SLC35F1: variants seen among roughly 807,000 people sequenced by gnomAD.
SLC35F1 encodes the protein chromosome 6 open reading frame 169.
In SLC35F1, 14 loss-of-function variants were observed where a neutral mutation model predicts 48.7. That is an observed-to-expected ratio of 0.29 (90% CI 0.19 to 0.45). The LOEUF is 0.45. Ranked by LOEUF, SLC35F1 falls within the 20% of genes least tolerant of loss-of-function variation. The pLI is 1.00. For missense variants in SLC35F1, 404 were observed against 500.0 expected (o/e 0.81, Z 1.83); for synonymous variants, 190 against 202.2 (o/e 0.94, Z 0.51).
At chr6:118,195,963 C>G (rs1164301518) in intron 2 of SLC35F1, among the ~76,000 whole-genome samples, 1 of 152,156 alleles carries the variant, frequency 6.6e-6, no homozygotes, top group African/African-American at 2.4e-5. Context: ...AAAACTCCAG[C>G]TGTATTAAGT....
intron 1 of SLC35F1, among the ~76,000 whole-genome samples, chr6:118,120,753 G>A (rs186977270): frequency 4.6e-5 from 7 of 152,228 alleles, no homozygotes; most frequent in Admixed American, 2.0e-4. Flanking sequence ...TACAGTAACC[G>A]CTTGAAATAT....
At chr6:118,242,475 T>G (rs143977984) in intron 3 of SLC35F1, among the ~76,000 whole-genome samples, 5 of 152,336 alleles carry the variant, frequency 3.3e-5, no homozygotes, top group Admixed American at 1.3e-4. Context: ...GTTTTCCTTA[T>G]TAGAAAGTAA....
chr6:118,182,519 A>AGAGAGAAGGAAGGAAGGAAG (rs1554234198), intron 2 of SLC35F1, among the ~76,000 whole-genome samples: 2 of 106,310 alleles, frequency 1.9e-5, no homozygotes, highest in Non-Finnish European at 3.8e-5. Flanking sequence ...AGAGAGAGAG[A>AGAGAGAAGGAAGGAAGGAAG]GAAGGAAGGA....
intron 2 of SLC35F1, among the ~76,000 whole-genome samples, chr6:118,167,228 G>A (rs968682667): frequency 7.2e-5 from 11 of 152,042 alleles, no homozygotes; most frequent in African/African-American, 1.9e-4. Flanking sequence ...CTGTAACTGC[G>A]CAAGAGTACA....
intron 2 of SLC35F1, among the ~76,000 whole-genome samples, chr6:118,207,921 C>T (rs1445878267): frequency 6.6e-6 from 1 of 152,174 alleles, no homozygotes; most frequent in Non-Finnish European, 1.5e-5. Flanking sequence ...TAAAAGATAA[C>T]AGCAAATCAT....
chr6:117,956,863 C>T (rs1776435077), intron 1 of SLC35F1, among the ~76,000 whole-genome samples: 2 of 152,158 alleles, frequency 1.3e-5, no homozygotes, highest in South Asian at 4.1e-4. Context: ...TCTGTATTTT[C>T]TTCAAGCAGC....
At chr6:117,920,876 C>T (rs1030350041) in intron 1 of SLC35F1, among the ~76,000 whole-genome samples, 4 of 151,848 alleles carry the variant, frequency 2.6e-5, no homozygotes, top group Non-Finnish European at 5.9e-5. Flanking sequence ...ATATCTTGAC[C>T]TTTTGTGTCC....
At chr6:118,053,595 ATAACT>A (rs1258374703) in intron 1 of SLC35F1, among the ~76,000 whole-genome samples, 1 of 152,182 alleles carries the variant, frequency 6.6e-6, no homozygotes, top group Non-Finnish European at 1.5e-5. Context: ...TAGTGAACAT[ATAACT>A]TAATATTTAT....
rs140605472 is a variant in SLC35F1, at chr6:118,157,411, C to T, written c.349+2791C>T. On this transcript the variant is annotated intron_variant, in intron 2 of 7. Transcript: ENST00000360388. ...TGTATTAGTCAGGGTTCTCTAGAGC[C>T]GCAGGACTAATAGGATAGATGTATA... Among the ~76,000 whole-genome samples, 227 of 152,182 alleles carry T rather than the reference C, an allele frequency of 1.5e-3. 2 individuals carry two copies. Among genetic ancestry groups the T allele is most frequent in the African/African-American group, 5.2e-3 (216 of 41,538 alleles).
intron 1 of SLC35F1, among the ~76,000 whole-genome samples, chr6:118,107,546 C>T (rs1773342745): frequency 6.6e-6 from 1 of 152,106 alleles, no homozygotes; most frequent in South Asian, 2.1e-4. Flanking sequence ...AAAATGAACA[C>T]TTAGCCTGTT....
At chr6:118,161,691 CA>C (rs555211603) in intron 2 of SLC35F1, among the ~76,000 whole-genome samples, 134 of 152,272 alleles carry the variant, frequency 8.8e-4, no homozygotes, top group African/African-American at 2.9e-3. Context: ...ATAAAGATTG[CA>C]CCTCAGGGAT....
intron 1 of SLC35F1, among the ~76,000 whole-genome samples, chr6:118,071,522 C>G (rs1006763915): frequency 3.3e-5 from 5 of 152,064 alleles, no homozygotes; most frequent in Non-Finnish European, 5.9e-5. Context: ...TTTCCTTCAC[C>G]ATCTCTTGGA....
chr6:117,992,677 G>C (rs1252858735), intron 1 of SLC35F1, among the ~76,000 whole-genome samples: 1 of 152,214 alleles, frequency 6.6e-6, no homozygotes, highest in Admixed American at 6.5e-5. Context: ...CTCTATGAGA[G>C]AGATTTTTAA....
At chr6:118,088,412 G>A (rs577692194) in intron 1 of SLC35F1, among the ~76,000 whole-genome samples, 2 of 152,208 alleles carry the variant, frequency 1.3e-5, no homozygotes, top group South Asian at 4.2e-4. Flanking sequence ...ATCTGACCAT[G>A]GCCACAAAAG....
At chr6:118,270,531 A>G (rs1349262781) in intron 4 of SLC35F1, among the ~76,000 whole-genome samples, 3 of 152,168 alleles carry the variant, frequency 2.0e-5, no homozygotes, top group East Asian at 3.9e-4. Context: ...TTCTCATTCT[A>G]TGTTTGTCAC....
In SLC35F1 at chr6:117,961,951, A is replaced by G. The variant is rs534661145; in HGVS notation, c.173+54052A>G. 4.5e-4 allele frequency among the ~76,000 whole-genome samples: 68 copies of G among 152,344 alleles called. No homozygotes were observed. In the South Asian group the frequency reaches 0.013, roughly 30 times the overall value. On this transcript the variant is annotated intron_variant, in intron 1 of 7. Transcript: ENST00000360388. ...GAAGATGGTGGTAAGTTATATCAGA[A>G]CTCAGTTTATGCATAGAATAAATAC...
At chr6:118,076,532 G>T (rs1772820869) in intron 1 of SLC35F1, among the ~76,000 whole-genome samples, 2 of 152,154 alleles carry the variant, frequency 1.3e-5, no homozygotes, top group South Asian at 4.1e-4. Context: ...GAGAGAGACG[G>T]AGAGAGAAGA....
chr6:118,174,732 A>C (rs1043753820), intron 2 of SLC35F1, among the ~76,000 whole-genome samples: 2 of 152,132 alleles, frequency 1.3e-5, no homozygotes, highest in Admixed American at 6.6e-5. Flanking sequence ...TGCAAAGAAA[A>C]TCACATTTCT....
In SLC35F1 at chr6:118,234,340, C is replaced by T. The variant is rs146982965; in HGVS notation, c.350-1169C>T. Among the ~76,000 whole-genome samples, 106 of 152,262 alleles carry T rather than the reference C, an allele frequency of 7.0e-4. 2 individuals carry two copies. The East Asian group carries it at 0.02, about 29-fold the overall frequency. ...CACTTTTGAGATTAGGTTATAAAAACCTTATCTTCCATCTTTGGTGTTCTC... is the reference window on the plus strand; with the variant it reads ...CACTTTTGAGATTAGGTTATAAAAATCTTATCTTCCATCTTTGGTGTTCTC... On this transcript the variant is annotated intron_variant, in intron 2 of 7. Coordinates refer to ENST00000360388, the MANE Select transcript of SLC35F1 (RefSeq NM_001029858.4).
Sources: gnomAD v4.1 joint callset for allele counts (sites outside exome capture counted in the v4.1 genomes callset) on GRCh38, gnomAD v4.1.1 for gene constraint, MANE v1.5 for transcripts, NCBI Gene and HGNC (gene_info 2026-07-23, HGNC 2026-07-21) for gene names.